Variants in MAGI1 observed in about 807,000 individuals in gnomAD.
The protein encoded by MAGI1 is membrane-associated guanylate kinase, WW and PDZ domain-containing protein 1.
A neutral mutation model predicts 139.9 loss-of-function variants in MAGI1; 58 were observed. The observed-to-expected ratio is 0.41, with a 90% confidence interval of 0.34 to 0.52. The LOEUF is 0.52. MAGI1 is among the 20% of genes least tolerant of loss of function. MAGI1 has a pLI of 0.12. For missense variants in MAGI1, 1,874 were observed against 1,901.6 expected (o/e 0.99, Z 0.27); for synonymous variants, 812 against 737.9 (o/e 1.10, Z -1.63).
chr3:65,950,806 C>A (rs9866217), intron 1 of MAGI1, among the ~76,000 whole-genome samples: 1,972 of 152,208 alleles, frequency 0.013, 42 homozygotes, highest in African/African-American at 0.045. Context: ...GCTGTCACTA[C>A]CAACATGAGG....
intron 2 of MAGI1, among the ~76,000 whole-genome samples, chr3:65,541,241 A>G (rs2107907072): frequency 6.6e-6 from 1 of 152,250 alleles, no homozygotes; most frequent in South Asian, 2.1e-4. Flanking sequence ...AATCCCTGAA[A>G]AGACCAATAA....
chr3:65,974,354 G>A (rs1303603279), intron 1 of MAGI1, among the ~76,000 whole-genome samples: 3 of 135,842 alleles, frequency 2.2e-5, no homozygotes, highest in Non-Finnish European at 3.2e-5. Flanking sequence ...GGGAGGAGTG[G>A]ATGGATGGAT....
intron 1 of MAGI1, 128 bp downstream of exon 1, chr3:66,037,868 C>G (rs1370856567): frequency 2.1e-6 from 3 of 1,458,296 alleles, no homozygotes; most frequent in Non-Finnish European, 2.8e-6. Flanking sequence ...ACCGCCACCA[C>G]AGGGCGCACG....
intron 8 of MAGI1, 97 bp downstream of exon 8, chr3:65,442,695 G>A: frequency 2.6e-6 from 2 of 763,564 alleles, no homozygotes; most frequent in Non-Finnish European, 4.4e-6. Context: ...TTGTTAATTG[G>A]TTTGTGCCTT....
intron 1 of MAGI1, among the ~76,000 whole-genome samples, chr3:65,668,325 G>A (rs1209236105): frequency 2.0e-5 from 3 of 152,166 alleles, no homozygotes; most frequent in African/African-American, 4.8e-5. Context: ...GCTCATGAGA[G>A]TCAAATGTTA....
At chr3:65,835,802 C>T (rs1317938031) in intron 1 of MAGI1, among the ~76,000 whole-genome samples, 1 of 152,158 alleles carries the variant, frequency 6.6e-6, no homozygotes, top group Admixed American at 6.5e-5. Context: ...ACAATTTTAG[C>T]ACCCTCTGCA....
intron 1 of MAGI1, among the ~76,000 whole-genome samples, chr3:65,861,215 A>T (rs2059545501): frequency 6.6e-6 from 1 of 152,208 alleles, no homozygotes; most frequent in Non-Finnish European, 1.5e-5. Flanking sequence ...CAAAGTGGAA[A>T]CGTGGAGGCT....
chr3:65,587,926 C>G (rs528340638), intron 2 of MAGI1, among the ~76,000 whole-genome samples: 1 of 152,230 alleles, frequency 6.6e-6, no homozygotes, highest in East Asian at 1.9e-4. Flanking sequence ...AAATGTATGG[C>G]AAGCCTGAGA....
chr3:65,783,322 C>G (rs1006174876), intron 1 of MAGI1, among the ~76,000 whole-genome samples: 1 of 152,182 alleles, frequency 6.6e-6, no homozygotes, highest in Non-Finnish European at 1.5e-5. Flanking sequence ...CACAAGACAC[C>G]GCTTCACACC....
At chr3:65,575,034 AT>A (rs2081121046) in intron 2 of MAGI1, among the ~76,000 whole-genome samples, 2 of 152,196 alleles carry the variant, frequency 1.3e-5, no homozygotes, top group African/African-American at 4.8e-5. Flanking sequence ...CAAAACCACA[AT>A]CTATTAAGGA....
At chr3:65,516,443 T>C (rs1490856185) in intron 2 of MAGI1, among the ~76,000 whole-genome samples, 3 of 151,838 alleles carry the variant, frequency 2.0e-5, no homozygotes, top group South Asian at 2.1e-4. Flanking sequence ...TCCCAACGCA[T>C]TGGAATTACA....
At chr3:65,722,431 C>T (rs367687797) in intron 1 of MAGI1, among the ~76,000 whole-genome samples, 7 of 151,558 alleles carry the variant, frequency 4.6e-5, no homozygotes, top group East Asian at 1.9e-4. Context: ...CCCAGGAGTC[C>T]GAGATCAGCC....
chr3:65,788,351 G>A (rs768803735), intron 1 of MAGI1, among the ~76,000 whole-genome samples: 8 of 152,176 alleles, frequency 5.3e-5, no homozygotes, highest in Non-Finnish European at 1.2e-4. Flanking sequence ...TTGAACTCAG[G>A]AACAGAACTC....
At chr3:65,516,294 C>G (rs2077873695) in intron 2 of MAGI1, among the ~76,000 whole-genome samples, 1 of 152,086 alleles carries the variant, frequency 6.6e-6, no homozygotes, top group Non-Finnish European at 1.5e-5. Flanking sequence ...ATTCCCCTGC[C>G]TCAGCCTCCC....
chr3:65,893,394 CA>C (rs2060844666), intron 1 of MAGI1, among the ~76,000 whole-genome samples: 1 of 151,292 alleles, frequency 6.6e-6, no homozygotes, highest in Admixed American at 6.6e-5. Flanking sequence ...GAGAAAAGCA[CA>C]AAACAAAATT....
chr3:65,525,146 C>T (rs2078327104), intron 2 of MAGI1, among the ~76,000 whole-genome samples: 2 of 152,124 alleles, frequency 1.3e-5, no homozygotes, highest in Admixed American at 6.5e-5. Flanking sequence ...ATAATGCACC[C>T]ATTTCCAGCT....
chr3:65,612,505 T>C (rs1411088289), intron 2 of MAGI1, among the ~76,000 whole-genome samples: 1 of 152,032 alleles, frequency 6.6e-6, no homozygotes, highest in Admixed American at 6.6e-5. Flanking sequence ...TTAAATGCAA[T>C]AAAAAAATAT....
intron 1 of MAGI1, among the ~76,000 whole-genome samples, chr3:65,786,258 T>TTA (rs2039372828): frequency 6.7e-6 from 1 of 149,818 alleles, no homozygotes; most frequent in Admixed American, 6.7e-5. Flanking sequence ...TAACTTTTTT[T>TTA]TTTTTTTTTT....
At chr3:65,978,621 C>CTTTTTTTTTTTTTTTTTTT (rs373662388) in intron 1 of MAGI1, among the ~76,000 whole-genome samples, 5 of 129,174 alleles carry the variant, frequency 3.9e-5, no homozygotes, top group Non-Finnish European at 6.3e-5. Flanking sequence ...CTCAAAATTT[C>CTTTTTTTTTTTTTTTTTTT]TTTTTTTTTT....
Sources: allele counts gnomAD v4.1 joint callset (sites outside exome capture counted in the v4.1 genomes callset), GRCh38; gene constraint gnomAD v4.1.1; transcripts MANE v1.5; gene names NCBI Gene and HGNC (gene_info 2026-07-23, HGNC 2026-07-21).